The following TCF7L2 variants were observed in gnomAD, a reference collection of about 807,000 sequenced individuals.
TCF7L2 encodes transcription factor 7-like 2.
Under a neutral mutation model 77.9 loss-of-function variants are expected in TCF7L2, and 23 were observed. That is an observed-to-expected ratio of 0.30 (90% CI 0.21 to 0.42). The LOEUF (loss-of-function observed/expected upper bound fraction) is 0.42. Ranked by LOEUF, TCF7L2 falls within the 10% of genes least tolerant of loss-of-function variation. The pLI is 1.00. For missense variants in TCF7L2, 654 were observed against 793.1 expected, an observed-to-expected ratio of 0.82 and a Z score of 2.11; for synonymous variants, 413 against 340.2, an observed-to-expected ratio of 1.21 and a Z score of -2.36.
intron 11 of TCF7L2, among the ~76,000 whole-genome samples, chr10:113,154,839 C>G (rs1204230037): frequency 6.6e-6 from 1 of 152,122 alleles, no homozygotes; most frequent in Non-Finnish European, 1.5e-5. Flanking sequence ...TACTTAGATT[C>G]CTATTACAAT....
chr10:112,968,939 A>G (rs1234254880), intron 4 of TCF7L2, among the ~76,000 whole-genome samples: 4 of 152,098 alleles, frequency 2.6e-5, no homozygotes, highest in Admixed American at 6.6e-5. Context: ...TCAGGGGTCA[A>G]CTGTACTCAG....
intron 4 of TCF7L2, among the ~76,000 whole-genome samples, chr10:112,995,712 C>T (rs981415755): frequency 6.6e-6 from 1 of 152,090 alleles, no homozygotes; most frequent in African/African-American, 2.4e-5. Context: ...TCGGAGAGGC[C>T]CTCTGGGAAA....
At chr10:112,967,854 C>T (rs1250404162) in intron 4 of TCF7L2, among the ~76,000 whole-genome samples, 4 of 152,204 alleles carry the variant, frequency 2.6e-5, no homozygotes, top group South Asian at 2.1e-4. Flanking sequence ...AGGCTGGTCT[C>T]GAACTCCCGA....
At chr10:113,139,751 C>A (rs1316880986) in intron 5 of TCF7L2, among the ~76,000 whole-genome samples, 1 of 151,238 alleles carries the variant, frequency 6.6e-6, no homozygotes, top group Non-Finnish European at 1.5e-5. Flanking sequence ...AAGACACTTT[C>A]CCCTCAATTA....
chr10:113,090,395 C>T (rs530676205), intron 5 of TCF7L2, among the ~76,000 whole-genome samples: 2 of 152,308 alleles, frequency 1.3e-5, no homozygotes, highest in East Asian at 1.9e-4. Context: ...CTATGTGTTA[C>T]AGCCACAGGG....
rs141060651 is a variant in TCF7L2, at chr10:112,966,184, TTATATATATATA to T, written c.450+1576_450+1587del. 5.3e-4 allele frequency among the ~76,000 whole-genome samples: 60 copies of T among 114,232 alleles called. 10 individuals carry two copies. Among genetic ancestry groups the T allele is most frequent in the African/African-American group, 2.8e-3 (58 of 21,018 alleles). 74.9% of individuals were successfully genotyped at this position (114,232 alleles called of 152,430 possible). A position where few individuals can be genotyped will look rare whatever the true frequency, so the allele number is the denominator to read the frequency against. On this transcript the variant is annotated intron_variant, in intron 4 of 13. Coordinates refer to ENST00000627217, the MANE Select transcript of TCF7L2 (RefSeq NM_001146274.2). ...GAGTGAGACTCTGTCTAAAATATAT[TTATATATATATA>T]TATATATATATATATTTTCTTTTCT...
chr10:112,966,216 T>C (rs2036873982), intron 4 of TCF7L2, among the ~76,000 whole-genome samples: 1 of 104,344 alleles, frequency 9.6e-6, no homozygotes, highest in Admixed American at 8.9e-5. Context: ...ATATATTTTC[T>C]TTTCTTGATT....
At chr10:113,158,437 G>A (rs1019344654) in intron 12 of TCF7L2, among the ~76,000 whole-genome samples, 1 of 152,130 alleles carries the variant, frequency 6.6e-6, no homozygotes, top group Non-Finnish European at 1.5e-5. Flanking sequence ...GGAGTAGGAG[G>A]GGGTGTGTGT....
rs1310241328 is a variant in TCF7L2, at chr10:112,951,571, C to T, written c.345C>T (p.Tyr115=). 7 of 1,380,352 alleles carry T rather than the reference C, an allele frequency of 5.1e-6. No individual in the cohort carries two copies. The highest frequency in any genetic ancestry group is 2.0e-4 in the Middle Eastern group (1 of 4,938). The allele number at this position is 1,380,352 out of a possible 1,614,324, so 85.5% of individuals were successfully genotyped here. The change falls in exon 3 of 14, where the codon TAC becomes TAT. Residue 115 remains tyrosine, a synonymous_variant. Coordinates refer to ENST00000627217, the MANE Select transcript of TCF7L2 (RefSeq NM_001146274.2). ...TGATCCCCGACCTGACGAGCCCCTA[C>T]CTCCCCAACGGATCGCTCTCGCCCA... is the stretch of plus-strand genomic sequence containing the variant.
At chr10:113,118,520 G>GTGTGTGTGTGTGTGTGTGTGT (rs1555084612) in intron 5 of TCF7L2, among the ~76,000 whole-genome samples, 40 of 141,524 alleles carry the variant, frequency 2.8e-4, no homozygotes, top group South Asian at 1.8e-3. Flanking sequence ...TCATCTGGGG[G>GTGTGTGTGTGTGTGTGTGTGT]GTGTGTGTGT....
At chr10:112,990,741 A>G (rs72826075) in intron 4 of TCF7L2, among the ~76,000 whole-genome samples, 26,761 of 152,098 alleles carry the variant, frequency 0.18, 2,831 homozygotes, top group Middle Eastern at 0.33. Context: ...AAATAAAAAA[A>G]ATTAGCTAGC....
intron 5 of TCF7L2, among the ~76,000 whole-genome samples, chr10:113,076,631 T>A (rs1564861050): frequency 6.6e-6 from 1 of 152,260 alleles, no homozygotes; most frequent in Non-Finnish European, 1.5e-5. Flanking sequence ...ATGGTTCCTT[T>A]ATGACATTTC....
Position 113,089,968 on chromosome 10 carries a change from G to T in TCF7L2, c.552+49842G>T, listed in dbSNP as rs115554019. Among the ~76,000 whole-genome samples the T allele has an allele frequency of 4.1e-3, 624 of 152,274 alleles. 4 individuals carry two copies. The highest frequency in any genetic ancestry group is 0.015 in the African/African-American group (609 of 41,560). ...CGTTACTAGTAATTTAGAACTTAAA[G>T]ATTTTCTTTTAAAATTCAGGGTGCT... On this transcript the variant is annotated intron_variant, in intron 5 of 13. Transcript: ENST00000627217.
chr10:112,985,538 C>T (rs1205350704), intron 4 of TCF7L2, among the ~76,000 whole-genome samples: 4 of 152,034 alleles, frequency 2.6e-5, no homozygotes, highest in African/African-American at 9.7e-5. Flanking sequence ...TGTCTTTTTT[C>T]ATTGTTGAGG....
intron 4 of TCF7L2, among the ~76,000 whole-genome samples, chr10:112,996,793 C>CTG (rs1309779095): frequency 6.6e-6 from 1 of 152,202 alleles, no homozygotes; most frequent in African/African-American, 2.4e-5. Flanking sequence ...CGTTAAAAGG[C>CTG]TGAGCTGGGA....
intron 3 of TCF7L2, among the ~76,000 whole-genome samples, chr10:112,960,235 A>C (rs7098884): frequency 6.6e-6 from 1 of 151,956 alleles, no homozygotes; most frequent in African/African-American, 2.4e-5. Context: ...GATGTTTTGC[A>C]TATCAGAAAC....
chr10:112,971,344 G>GA (rs1279382779), intron 4 of TCF7L2, among the ~76,000 whole-genome samples: 7 of 152,060 alleles, frequency 4.6e-5, no homozygotes, highest in Non-Finnish European at 8.8e-5. Flanking sequence ...GTCCAGGCTG[G>GA]AGTTTTTCCT....
intron 4 of TCF7L2, among the ~76,000 whole-genome samples, chr10:113,005,656 G>A (rs1371108758): frequency 1.3e-5 from 2 of 152,170 alleles, no homozygotes; most frequent in East Asian, 1.9e-4. Context: ...GCCCCTCCTT[G>A]TACTTCGGGG....
chr10:113,101,716 G>A (rs1414299167), intron 5 of TCF7L2, among the ~76,000 whole-genome samples: 12 of 150,338 alleles, frequency 8.0e-5, no homozygotes, highest in African/African-American at 1.5e-4. Flanking sequence ...GGTGGCGGCC[G>A]CCTGTAGTCC....
Sources: allele counts gnomAD v4.1 joint callset (sites outside exome capture counted in the v4.1 genomes callset), GRCh38; gene constraint gnomAD v4.1.1; transcripts MANE v1.5; gene names NCBI Gene and HGNC (gene_info 2026-07-23, HGNC 2026-07-21).